Variants in GPHN observed in about 807,000 individuals in gnomAD.
GPHN encodes the protein gephyrin.
Under a neutral mutation model 95.5 loss-of-function variants are expected in GPHN, and 17 were observed. The ratio of observed to expected loss-of-function variants is 0.18; its 90% CI spans 0.12 to 0.27. The LOEUF (loss-of-function observed/expected upper bound fraction) is 0.27. Among genes scored for constraint, GPHN ranks in the 10% least tolerant of loss-of-function variants. The pLI is 1.00. For synonymous variants in GPHN, 320 were observed against 322.5 expected (o/e 0.99, Z 0.08); for missense variants, 660 against 978.1 (o/e 0.67, Z 4.34).
chr14:67,206,106 C>G, the GPHN span, among the ~76,000 whole-genome samples: 2 of 151,330 alleles, frequency 1.3e-5, no homozygotes, highest in Admixed American at 1.3e-4. Flanking sequence ...ATTACTTGAC[C>G]CTTGGAGGCA....
At chr14:66,941,729 G>GA (rs1290521441) in intron 8 of GPHN, among the ~76,000 whole-genome samples, 1 of 150,670 alleles carries the variant, frequency 6.6e-6, no homozygotes, top group Admixed American at 6.6e-5. Context: ...TGTTGCAAAA[G>GA]AAAATGGACT....
intron 12 of GPHN, among the ~76,000 whole-genome samples, chr14:67,095,890 G>A (rs1031089954): frequency 7.5e-5 from 11 of 146,540 alleles, no homozygotes; most frequent in Admixed American, 4.9e-4. Flanking sequence ...GTAACTAACC[G>A]GCACATTGTG....
chr14:67,666,825 T>G, the GPHN span, among the ~76,000 whole-genome samples: 1 of 152,220 alleles, frequency 6.6e-6, no homozygotes, highest in Non-Finnish European at 1.5e-5. Context: ...AAGGCTTTTC[T>G]GTATATTAAA....
At chr14:67,487,362 A>G in the GPHN span, among the ~76,000 whole-genome samples, 1 of 152,188 alleles carries the variant, frequency 6.6e-6, no homozygotes, top group East Asian at 1.9e-4. Flanking sequence ...TCCAGCCACA[A>G]AAGTCTGGGA....
the GPHN span, among the ~76,000 whole-genome samples, chr14:67,641,098 T>A: frequency 6.6e-6 from 1 of 152,196 alleles, no homozygotes; most frequent in African/African-American, 2.4e-5. Flanking sequence ...CAAACAATCA[T>A]ATTGTCCACA....
chr14:67,521,615 C>T, the GPHN span, among the ~76,000 whole-genome samples: 1 of 152,134 alleles, frequency 6.6e-6, no homozygotes, highest in Non-Finnish European at 1.5e-5. Flanking sequence ...TTCATGAACA[C>T]CTTGAGCCTG....
chr14:67,006,266 A>G (rs2072601083), intron 9 of GPHN, among the ~76,000 whole-genome samples: 1 of 152,090 alleles, frequency 6.6e-6, no homozygotes, highest in Non-Finnish European at 1.5e-5. Flanking sequence ...ATAGTTTTCA[A>G]TTATATTAGC....
the GPHN span, among the ~76,000 whole-genome samples, chr14:67,230,724 G>A: frequency 6.6e-6 from 1 of 152,180 alleles, no homozygotes; most frequent in Non-Finnish European, 1.5e-5. Context: ...ACAGGTGAAT[G>A]ACTAAACAAA....
chr14:66,588,828 A>G (rs1475069519), intron 1 of GPHN, among the ~76,000 whole-genome samples: 1 of 152,152 alleles, frequency 6.6e-6, no homozygotes, highest in Non-Finnish European at 1.5e-5. Context: ...TATCCAGGAG[A>G]ACTTTCCCAA....
intron 21 of GPHN, 31 bp downstream of exon 21, chr14:67,169,067 T>G (rs974313839): frequency 2.4e-6 from 3 of 1,268,626 alleles, no homozygotes; most frequent in Non-Finnish European, 3.5e-6. Flanking sequence ...GAAACCAAAA[T>G]GGAAGCCTGG....
At chr14:66,667,380 A>G (rs2066026908) in intron 1 of GPHN, among the ~76,000 whole-genome samples, 1 of 152,250 alleles carries the variant, frequency 6.6e-6, no homozygotes, top group African/African-American at 2.4e-5. Flanking sequence ...AGCTGGAGGC[A>G]TCACACTACC....
At chr14:66,728,630 A>G (rs1457891421) in intron 2 of GPHN, among the ~76,000 whole-genome samples, 1 of 152,224 alleles carries the variant, frequency 6.6e-6, no homozygotes. Flanking sequence ...TGGGGGCTTT[A>G]GCCCCTTTGT....
chr14:67,055,202 G>A (rs2075501282), intron 10 of GPHN, among the ~76,000 whole-genome samples: 1 of 152,010 alleles, frequency 6.6e-6, no homozygotes, highest in Non-Finnish European at 1.5e-5. Flanking sequence ...TCAGACAAAG[G>A]TCTAATATCC....
At chr14:67,664,256 C>T in the GPHN span, among the ~76,000 whole-genome samples, 1 of 152,134 alleles carries the variant, frequency 6.6e-6, no homozygotes. Context: ...CTTGTTTATC[C>T]TCTCAAACTG....
At chr14:66,685,586 T>G (rs2067298142) in intron 2 of GPHN, among the ~76,000 whole-genome samples, 1 of 152,144 alleles carries the variant, frequency 6.6e-6, no homozygotes, top group South Asian at 2.1e-4. Flanking sequence ...TCACCCACTT[T>G]TTGATGGGGT....
chr14:67,030,892 C>G (rs891579156), intron 10 of GPHN, among the ~76,000 whole-genome samples: 2 of 152,018 alleles, frequency 1.3e-5, no homozygotes, highest in Admixed American at 1.3e-4. Context: ...GCAGACAGAG[C>G]AAGCAAAAGA....
chr14:66,884,763 T>C (rs111465170), intron 5 of GPHN, among the ~76,000 whole-genome samples: 82 of 151,422 alleles, frequency 5.4e-4, no homozygotes, highest in African/African-American at 1.6e-3. Context: ...AGAAATGTTA[T>C]GAGGTCCTTT....
At position 66,924,272 on chromosome 14, in the gene GPHN, C is replaced by T. The variant is rs773971749; in HGVS notation, c.808C>T (p.His270Tyr). The change falls in exon 8 of 23, where the codon CAT becomes TAT. Residue 270 changes from histidine (H) to tyrosine (Y), a missense_variant. His to Tyr is a moderately conservative substitution (Grantham distance 83). Coordinates refer to ENST00000478722, the MANE Select transcript of GPHN (RefSeq NM_020806.5). Reference protein sequence around the residue: ...QPIPGLINYSHHSTDERIPDS... With the variant: ...QPIPGLINYSYHSTDERIPDS... ...CATCCCTGGTCTCATCAATTATTCC[C>T]ATCATTCAACAGATGAACGGGTAAG... 1.9e-6 allele frequency: 3 copies of T among 1,600,960 alleles called. No homozygotes were observed. The highest frequency in any genetic ancestry group is 1.1e-5 in the South Asian group (1 of 90,834).
At chr14:67,327,566 T>C in the GPHN span, among the ~76,000 whole-genome samples, 2 of 152,124 alleles carry the variant, frequency 1.3e-5, no homozygotes, top group Non-Finnish European at 2.9e-5. Flanking sequence ...TGTATACATG[T>C]GCCATGTTGG....
Sources: allele counts gnomAD v4.1 joint callset (sites outside exome capture counted in the v4.1 genomes callset), GRCh38; gene constraint gnomAD v4.1.1; transcripts MANE v1.5; gene names NCBI Gene and HGNC (gene_info 2026-07-23, HGNC 2026-07-21).